The following CFAP92 variants were observed in gnomAD, a reference collection of about 807,000 sequenced individuals.
CFAP92 encodes the protein cilia and flagella associated protein 92 (putative).
A neutral mutation model predicts 106.3 loss-of-function variants in CFAP92; 86 were observed. The observed-to-expected ratio is 0.81, with a 90% CI of 0.68 to 0.97. The LOEUF (loss-of-function observed/expected upper bound fraction) is 0.97. CFAP92 is among the 50% of genes least tolerant of loss of function. The probability of loss-of-function intolerance (pLI) is 0.00; values close to 1 mark genes in which losing one functional copy is unlikely to be tolerated. For synonymous variants in CFAP92, 477 were observed against 506.4 expected (o/e 0.94, Z 0.78); for missense variants, 1,204 against 1,283.8 (o/e 0.94, Z 0.95).
Position 128,987,700 on chromosome 3 carries a change from T to C in CFAP92, c.583A>G (p.Lys195Glu), listed in dbSNP as rs565077098. ...CTGACTTTTCTTGACATCTTGTCTT[T>C]AGTGTTCCAGAGCCTCAAGGTGATT... Reference protein sequence around the residue: ...HKITLRLWNTKDKMSRKVRYY... With the variant: ...HKITLRLWNTEDKMSRKVRYY... Residue 195 changes from lysine (K) to glutamate (E), a missense_variant, in exon 4 of 16, where the codon AAA becomes GAA. Physicochemically the swap from Lys to Glu is moderately conservative, Grantham distance 56. Transcript: ENST00000645291. 2.5e-6 allele frequency: 4 copies of C among 1,614,038 alleles called. No individual in the cohort carries two copies. Among genetic ancestry groups the C allele is most frequent in the East Asian group, 2.2e-5 (1 of 44,890 alleles).
chr3:128,916,114 ATC>A lies in CFAP92; in HGVS notation c.2907_2908del (p.Glu969AspfsTer72), dbSNP rs1936796263. On this transcript the variant is annotated frameshift_variant, in exon 13 of 16. Coordinates refer to ENST00000645291, the MANE Select transcript of CFAP92 (RefSeq NM_001394090.1). LOFTEE classifies it high-confidence loss of function. ...CCTGTCTGGGTCTCTCACCTTGGCTATCTCTTGATACAGCTCCTTCTTGGCAA... is the reference window on the plus strand; with the variant it reads ...CCTGTCTGGGTCTCTCACCTTGGCTATCTTGATACAGCTCCTTCTTGGCAA... The A allele has an allele frequency of 7.3e-6, 9 of 1,232,170 alleles. No homozygotes were observed. The highest frequency in any genetic ancestry group is 8.1e-6 in the Non-Finnish European group (8 of 988,106). 76.3% of individuals were successfully genotyped at this position (1,232,170 alleles called of 1,614,324 possible). A position where few individuals can be genotyped will look rare whatever the true frequency, so the allele number is the denominator to read the frequency against.
intron 5 of CFAP92, among the ~76,000 whole-genome samples, 196 bp from the exon 6 acceptor site, chr3:128,977,262 C>T (rs1943216546): frequency 6.6e-6 from 1 of 152,042 alleles, no homozygotes; most frequent in Admixed American, 6.5e-5. Context: ...TAAATGTAGT[C>T]AAGAGGAGAC....
intron 12 of CFAP92, among the ~76,000 whole-genome samples, chr3:128,931,750 C>G (rs1157530625): frequency 6.6e-6 from 1 of 151,976 alleles, no homozygotes; most frequent in African/African-American, 2.4e-5. Flanking sequence ...CAGCCAGGCA[C>G]AGTGACTCAC....
At chr3:129,003,956 G>A, upstream of CFAP92, 1 of 1,433,130 alleles carries the variant, frequency 7.0e-7, no homozygotes, top group Non-Finnish European at 9.1e-7. Context: ...GCGCGCGGAG[G>A]AGGCCCGGCA....
At chr3:129,002,249 T>TGG in intron 1 of CFAP92, 1 of 1,531,224 alleles carries the variant, frequency 6.5e-7, no homozygotes, top group Non-Finnish European at 8.7e-7. Flanking sequence ...AGGAGGAGAA[T>TGG]AGCAGCTTGC....
intron 1 of CFAP92, chr3:129,002,173 G>C: frequency 6.8e-7 from 1 of 1,477,370 alleles, no homozygotes; most frequent in Non-Finnish European, 8.9e-7. Flanking sequence ...CCGCGCCGCC[G>C]CCGCCGCCCG....
In CFAP92 at chr3:128,993,943, G is replaced by A. The variant is rs977607279; in HGVS notation, c.-33+37C>T. 8.1e-6 allele frequency: 8 copies of A among 988,124 alleles called. No homozygotes were observed. The African/African-American group carries it at 1.4e-4, about 17-fold the overall frequency. 61.2% of individuals were successfully genotyped at this position (988,124 alleles called of 1,614,324 possible). ...CCGGGCTGCGGCGGCCGAGGTGGGG[G>A]CAGGGGTCGGGGTTCCCCTCCAGGT... On this transcript the variant is annotated intron_variant, in intron 1 of 15. Coordinates refer to ENST00000645291, the MANE Select transcript of CFAP92 (RefSeq NM_001394090.1).
chr3:128,988,981 C>A, intron 2 of CFAP92, 63 bp from the exon 3 acceptor site: 1 of 1,294,164 alleles, frequency 7.7e-7, no homozygotes, highest in East Asian at 2.4e-5. Context: ...ACCCGTCTCC[C>A]CAGTTCCCTG....
the CFAP92 span, among the ~76,000 whole-genome samples, chr3:129,020,737 A>G: frequency 6.6e-6 from 1 of 152,224 alleles, no homozygotes; most frequent in Non-Finnish European, 1.5e-5. Flanking sequence ...TTAAACAGAC[A>G]CAGGCCAGAT....
upstream of CFAP92, chr3:129,003,278 T>G (rs191306967): frequency 1.2e-4 from 114 of 985,418 alleles, no homozygotes; most frequent in African/African-American, 1.7e-3. Flanking sequence ...TTCCGGCATC[T>G]CTCATGCTTG....
At chr3:129,018,821 AT>A in the CFAP92 span, among the ~76,000 whole-genome samples, 3 of 152,120 alleles carry the variant, frequency 2.0e-5, no homozygotes, top group African/African-American at 7.2e-5. Flanking sequence ...TTTGCACCCC[AT>A]TGGCGGCGTT....
intron 9 of CFAP92, among the ~76,000 whole-genome samples, chr3:128,955,638 GC>G (rs1941307809): frequency 2.0e-5 from 1 of 50,230 alleles, no homozygotes; most frequent in Admixed American, 2.0e-4. Context: ...GAAGTGAGGA[GC>G]CCCTCTGCCC....
In CFAP92 at chr3:128,945,470, A is replaced by T. The variant is rs1297948222; in HGVS notation, c.1859T>A (p.Met620Lys). Residue 620 changes from methionine to lysine, a missense_variant, in exon 10 of 16, where the codon ATG becomes AAG. Coordinates refer to ENST00000645291, the MANE Select transcript of CFAP92 (RefSeq NM_001394090.1). ...AGCCTCTAGGTAGTTGCCCCTGGGCATTGGGCCGTGCTGGTGGCCATCTCT... is the reference window on the plus strand; with the variant it reads ...AGCCTCTAGGTAGTTGCCCCTGGGCTTTGGGCCGTGCTGGTGGCCATCTCT... ...VPRDGHQHGP[M>K]PRGNYLEADS... 6.5e-7 allele frequency: 1 copy of T among 1,536,128 alleles called. No individual in the cohort carries two copies. The highest frequency in any genetic ancestry group is 2.0e-5 in the Admixed American group (1 of 51,002).
At chr3:128,957,121 T>C (rs1941501379) in intron 9 of CFAP92, among the ~76,000 whole-genome samples, 1 of 152,166 alleles carries the variant, frequency 6.6e-6, no homozygotes, top group Non-Finnish European at 1.5e-5. Flanking sequence ...AGATTTATCC[T>C]AGAAGAAAGG....
At chr3:128,958,311 T>C (rs1020118841) in intron 9 of CFAP92, among the ~76,000 whole-genome samples, 16 of 152,202 alleles carry the variant, frequency 1.1e-4, no homozygotes, top group African/African-American at 3.6e-4. Flanking sequence ...GTTGTGACTA[T>C]AAAAGGGTAG....
intron 15 of CFAP92, chr3:128,912,399 G>C (rs751278075): frequency 4.3e-6 from 4 of 932,576 alleles, no homozygotes; most frequent in Non-Finnish European, 5.1e-6. Context: ...CCTTAGGGCT[G>C]CTTCATGGTG....
In CFAP92 at chr3:128,915,289, G is replaced by A; in HGVS notation, c.3124-14C>T. ...TTCCTTCCACTCCTAAATTGGGGGAGTAAGTAAATCAGGAGGAGAAAGGTC... is the reference window on the plus strand; with the variant it reads ...TTCCTTCCACTCCTAAATTGGGGGAATAAGTAAATCAGGAGGAGAAAGGTC... On this transcript the variant is annotated splice_polypyrimidine_tract_variant and intron_variant, in intron 14 of 15. Transcript: ENST00000645291. 1 of 1,536,070 alleles carries A rather than the reference G, an allele frequency of 6.5e-7. No individual in the cohort carries two copies. Among genetic ancestry groups the A allele is most frequent in the South Asian group, 1.2e-5 (1 of 84,060 alleles).
chr3:128,915,245 C>T lies in CFAP92; in HGVS notation c.3154G>A (p.Val1052Ile). Reference protein sequence around the residue: ...EWKENSLFANVLEPVLDRDRW... With the variant: ...EWKENSLFANILEPVLDRDRW... ...TCTCGATCCAACACAGGCTCCAGTA[C>T]ATTAGCAAACAGGGAGTTTTCCTTC... Residue 1052 changes from valine (V) to isoleucine (I), a missense_variant, in exon 15 of 16, where the codon GTA becomes ATA. Coordinates refer to ENST00000645291, the MANE Select transcript of CFAP92 (RefSeq NM_001394090.1). 6.5e-7 allele frequency: 1 copy of T among 1,536,160 alleles called. No individual in the cohort carries two copies. Among genetic ancestry groups the T allele is most frequent in the Non-Finnish European group, 8.7e-7 (1 of 1,146,924 alleles).
In CFAP92 at chr3:128,986,396, T is replaced by C. The variant is rs77286061; in HGVS notation, c.667+1220A>G. On this transcript the variant is annotated intron_variant, in intron 4 of 15. Coordinates refer to ENST00000645291, the MANE Select transcript of CFAP92 (RefSeq NM_001394090.1). ...CTAGAATTACAGGAGCACGTCACCA[T>C]GCTGGGCTGATTTTTAAATTTTTTA... 4.5e-3 allele frequency among the ~76,000 whole-genome samples: 681 copies of C among 152,250 alleles called. 5 individuals are homozygous for C. Among genetic ancestry groups the C allele is most frequent in the African/African-American group, 0.016 (660 of 41,562 alleles).
Sources: allele counts gnomAD v4.1 joint callset (sites outside exome capture counted in the v4.1 genomes callset), GRCh38; gene constraint gnomAD v4.1.1; transcripts MANE v1.5; gene names NCBI Gene and HGNC (gene_info 2026-07-23, HGNC 2026-07-21).